The following GPC6 variants were observed in gnomAD, a reference collection of about 807,000 sequenced individuals.
GPC6 encodes glypican 6, also known as glypican-6.
In GPC6, 14 loss-of-function variants were observed where a neutral mutation model predicts 55.2. That is an observed-to-expected ratio of 0.25 (90% confidence interval 0.17 to 0.40). GPC6 has a LOEUF of 0.40. Ranked by LOEUF, GPC6 falls within the 10% of genes least tolerant of loss-of-function variation. GPC6 has a pLI of 1.00. For synonymous variants in GPC6, 278 were observed against 259.6 expected (o/e 1.07, Z -0.68); for missense variants, 641 against 708.5 (o/e 0.90, Z 1.08).
chr13:93,903,977 G>C (rs138644845), intron 3 of GPC6, among the ~76,000 whole-genome samples: 14 of 152,114 alleles, frequency 9.2e-5, no homozygotes, highest in Non-Finnish European at 1.9e-4. Context: ...ACTGTGTCTT[G>C]CACATTTTGT....
chr13:93,698,169 G>T (rs1882526563), intron 2 of GPC6, among the ~76,000 whole-genome samples: 1 of 152,010 alleles, frequency 6.6e-6, no homozygotes, highest in Admixed American at 6.6e-5. Flanking sequence ...CTTTTATTCA[G>T]CTTGAGTGCT....
intron 1 of GPC6, among the ~76,000 whole-genome samples, chr13:93,458,490 C>T (rs1221985051): frequency 6.6e-6 from 1 of 152,048 alleles, no homozygotes; most frequent in Non-Finnish European, 1.5e-5. Flanking sequence ...CTCTGTTTCT[C>T]ACGGATACTC....
chr13:93,677,990 T>TACTAAAAATTAAATACTA (rs1468607279), intron 2 of GPC6, among the ~76,000 whole-genome samples: 2 of 152,130 alleles, frequency 1.3e-5, no homozygotes, highest in Non-Finnish European at 2.9e-5. Flanking sequence ...CTAAAAGGTA[T>TACTAAAAATTAAATACTA]AAAGAGAAAC....
chr13:93,727,917 G>T (rs995206175), intron 2 of GPC6, among the ~76,000 whole-genome samples: 2 of 152,114 alleles, frequency 1.3e-5, no homozygotes, highest in African/African-American at 4.8e-5. Flanking sequence ...GCTTCACAGA[G>T]AGAGTCACTA....
intron 4 of GPC6, among the ~76,000 whole-genome samples, chr13:94,071,942 T>TA (rs1407395952): frequency 6.6e-6 from 1 of 152,246 alleles, no homozygotes; most frequent in Non-Finnish European, 1.5e-5. Flanking sequence ...TAGACTTTCC[T>TA]AAATGACTTT....
At chr13:93,394,416 G>C (rs537103314) in intron 1 of GPC6, among the ~76,000 whole-genome samples, 1 of 152,168 alleles carries the variant, frequency 6.6e-6, no homozygotes, top group Non-Finnish European at 1.5e-5. Flanking sequence ...TGATTATGTG[G>C]TTATTGCCTT....
chr13:93,771,061 T>C (rs1885273982), intron 2 of GPC6, among the ~76,000 whole-genome samples: 1 of 152,176 alleles, frequency 6.6e-6, no homozygotes, highest in Admixed American at 6.6e-5. Flanking sequence ...CATTTGCTCA[T>C]TCAGTCTGTT....
intron 2 of GPC6, among the ~76,000 whole-genome samples, chr13:93,669,991 T>G (rs913315188): frequency 1.3e-5 from 2 of 152,208 alleles, no homozygotes; most frequent in Non-Finnish European, 2.9e-5. Context: ...GTTACCTGAT[T>G]TGTTGTTATC....
At chr13:94,266,991 T>C (rs1012896783) in intron 4 of GPC6, among the ~76,000 whole-genome samples, 1 of 152,230 alleles carries the variant, frequency 6.6e-6, no homozygotes, top group African/African-American at 2.4e-5. Context: ...AAGGTGCTAT[T>C]ATGAGCATTA....
rs963900433 is a variant in GPC6, at chr13:93,871,857, CT to C, written c.711+41321del. ...TGGTGATGGAGATTCAAATGTTAGA[CT>C]TTTTTTTTACTTATATACTTGAAAT... On this transcript the variant is annotated intron_variant, in intron 3 of 8. Coordinates refer to ENST00000377047, the MANE Select transcript of GPC6 (RefSeq NM_005708.5). Among the ~76,000 whole-genome samples, 22 of 151,096 alleles carry C rather than the reference CT, an allele frequency of 1.5e-4. 1 individual carries two copies. Among genetic ancestry groups the C allele is most frequent in the South Asian group, 8.3e-4 (4 of 4,794 alleles).
At chr13:93,661,780 C>T (rs1290517147) in intron 2 of GPC6, among the ~76,000 whole-genome samples, 2 of 152,036 alleles carry the variant, frequency 1.3e-5, no homozygotes, top group East Asian at 3.9e-4. Context: ...GCAGGGGTTG[C>T]CAATCTTTAC....
chr13:93,622,007 C>T (rs1284722784), intron 2 of GPC6, among the ~76,000 whole-genome samples: 1 of 152,060 alleles, frequency 6.6e-6, no homozygotes, highest in African/African-American at 2.4e-5. Context: ...TCTTTTTCCA[C>T]CCCAGCTGCC....
intron 4 of GPC6, among the ~76,000 whole-genome samples, chr13:94,041,097 C>T (rs769377615): frequency 2.0e-5 from 3 of 151,854 alleles, no homozygotes; most frequent in African/African-American, 4.8e-5. Flanking sequence ...ACATCACAAA[C>T]CTGCTAAATC....
intron 3 of GPC6, among the ~76,000 whole-genome samples, chr13:93,897,989 G>A (rs1876110186): frequency 6.6e-6 from 1 of 152,084 alleles, no homozygotes; most frequent in South Asian, 2.1e-4. Flanking sequence ...AATACAAGAA[G>A]CATAAACAGC....
chr13:94,406,214 G>A lies in GPC6; in HGVS notation c.*2997G>A, dbSNP rs1881359679. The A allele has an allele frequency of 6.6e-6, 1 of 152,038 alleles. No homozygotes were observed. The highest frequency in any genetic ancestry group is 2.4e-5 in the African/African-American group (1 of 41,410). The allele number at this position is 152,038 out of a possible 1,614,324, so 9.4% of individuals were successfully genotyped here. On this transcript the variant is annotated 3_prime_UTR_variant, in exon 9 of 9. Transcript: ENST00000377047. ...TTTACATGTTCTTTAGTTATAATAT[G>A]TATTTTTCTAACAGAAATACACGTC...
At chr13:93,551,700 T>G (rs1261996165) in intron 2 of GPC6, among the ~76,000 whole-genome samples, 2 of 152,192 alleles carry the variant, frequency 1.3e-5, no homozygotes, top group African/African-American at 4.8e-5. Context: ...GGGAAAGGAA[T>G]GATTATTTCT....
chr13:94,192,484 A>G (rs1216783366), intron 4 of GPC6, among the ~76,000 whole-genome samples: 2 of 152,188 alleles, frequency 1.3e-5, no homozygotes, highest in Non-Finnish European at 1.5e-5. Flanking sequence ...GGGAAAGGGT[A>G]CCACGTAGTC....
intron 3 of GPC6, among the ~76,000 whole-genome samples, chr13:93,993,896 A>G (rs1458642035): frequency 1.3e-5 from 2 of 152,188 alleles, no homozygotes. Context: ...GGAAAACCCC[A>G]TACTGTATGT....
chr13:93,273,422 G>A (rs1021170591), intron 1 of GPC6, among the ~76,000 whole-genome samples: 1 of 152,168 alleles, frequency 6.6e-6, no homozygotes, highest in Non-Finnish European at 1.5e-5. Context: ...ACTTTGGGAG[G>A]CCGAGGTGGG....
Sources: gnomAD v4.1 joint callset for allele counts (sites outside exome capture counted in the v4.1 genomes callset) on GRCh38, gnomAD v4.1.1 for gene constraint, MANE v1.5 for transcripts, NCBI Gene and HGNC (gene_info 2026-07-23, HGNC 2026-07-21) for gene names.